CEP83: variants seen among roughly 807,000 people sequenced by gnomAD.
CEP83 encodes the protein centrosomal protein 83.
In CEP83, 70 loss-of-function variants were observed where a neutral mutation model predicts 101.9. That is an observed-to-expected ratio of 0.69 (90% CI 0.57 to 0.84). The LOEUF (loss-of-function observed/expected upper bound fraction) is 0.84, where lower values mean the gene tolerates loss of function less well. Ranked by LOEUF, CEP83 falls within the 40% of genes least tolerant of loss-of-function variation. CEP83 has a pLI of 0.00. For missense variants in CEP83, 715 were observed against 787.2 expected, an observed-to-expected ratio of 0.91 and a Z score of 1.10; for synonymous variants, 264 against 267.9, an observed-to-expected ratio of 0.99 and a Z score of 0.14.
intron 1 of CEP83, among the ~76,000 whole-genome samples, chr12:94,443,981 TATG>T (rs1244264345): frequency 6.6e-6 from 1 of 152,224 alleles, no homozygotes; most frequent in Non-Finnish European, 1.5e-5. Context: ...ACAAAATTTC[TATG>T]ATGTGAATCC....
Position 94,423,828 on chromosome 12 carries a change from G to A in CEP83, c.-101-11237C>T, listed in dbSNP as rs547057384. ...GGTTCTGTTGGCCGCTGCTCTCCTC[G>A]ACTGAAACACTGGAAGGAAGGCACA... On this transcript the variant is annotated intron_variant, in intron 2 of 16. Transcript: ENST00000397809. 4.0e-4 allele frequency: 642 copies of A among 1,613,338 alleles called. 1 individual carries two copies. Among genetic ancestry groups the A allele is most frequent in the African/African-American group, 2.8e-3 (207 of 75,014 alleles).
intron 14 of CEP83, among the ~76,000 whole-genome samples, chr12:94,314,367 A>G (rs965035983): frequency 6.6e-6 from 1 of 152,188 alleles, no homozygotes; most frequent in Non-Finnish European, 1.5e-5. Context: ...CCCCCTTCCA[A>G]TCACTAGCCC....
At chr12:94,396,549 A>T (rs2062911221) in intron 6 of CEP83, among the ~76,000 whole-genome samples, 1 of 151,932 alleles carries the variant, frequency 6.6e-6, no homozygotes, top group South Asian at 2.1e-4. Context: ...CAGCCTCCCC[A>T]AGTGCTGGGA....
chr12:94,275,803 C>T, the CEP83 span, among the ~76,000 whole-genome samples: 6 of 128,946 alleles, frequency 4.7e-5, 1 homozygote, highest in East Asian at 6.8e-4. Flanking sequence ...TGCAGTGAGC[C>T]GAGATCCCGC....
chr12:94,328,150 A>G (rs2059050454), intron 14 of CEP83: 1 of 194,692 alleles, frequency 5.1e-6, no homozygotes. Flanking sequence ...TTAGAATAAA[A>G]TTAACAAGTT....
intron 2 of CEP83, chr12:94,424,063 A>G: frequency 6.2e-7 from 1 of 1,611,554 alleles, no homozygotes; most frequent in Non-Finnish European, 8.5e-7. Flanking sequence ...AGGATGGGTT[A>G]GGTACTTGTA....
chr12:94,322,910 C>T (rs1461991823), intron 14 of CEP83, among the ~76,000 whole-genome samples: 3 of 152,166 alleles, frequency 2.0e-5, no homozygotes, highest in Non-Finnish European at 2.9e-5. Context: ...TGACCCTGGT[C>T]GGGAGGTCCC....
the CEP83 span, among the ~76,000 whole-genome samples, chr12:94,271,817 C>T: frequency 3.3e-5 from 5 of 152,072 alleles, no homozygotes; most frequent in East Asian, 1.9e-4. Flanking sequence ...GAAAGTGTCC[C>T]GTCAGTATTC....
Position 94,308,818 on chromosome 12 carries a change from C to T in CEP83, c.2101G>A (p.Glu701Lys). 1 of 1,604,998 alleles carries T rather than the reference C, an allele frequency of 6.2e-7. No individual in the cohort carries two copies. ...CTGCCTGTTCTCCAAGAACATCATT[C>T]TCCGGAAGATCCAAGTTCCTCTAGT... ...KQLEELGSSG[E>K] Residue 701 changes from glutamate to lysine, a missense_variant, in exon 17 of 17, where the codon GAA becomes AAA. Coordinates refer to ENST00000397809, the MANE Select transcript of CEP83 (RefSeq NM_016122.3).
the CEP83 span, among the ~76,000 whole-genome samples, chr12:94,296,554 G>A: frequency 2.6e-5 from 4 of 152,074 alleles, no homozygotes; most frequent in Admixed American, 6.5e-5. Flanking sequence ...CTCACTCTGC[G>A]CTACTCTTGA....
chr12:94,274,530 C>T, the CEP83 span, among the ~76,000 whole-genome samples: 3 of 152,126 alleles, frequency 2.0e-5, no homozygotes, highest in Non-Finnish European at 2.9e-5. Flanking sequence ...GATCTGCCAC[C>T]GCAGCTTACT....
chr12:94,331,649 GGT>G, intron 14 of CEP83, 49 bp downstream of exon 14: 1 of 1,583,840 alleles, frequency 6.3e-7, no homozygotes, highest in Non-Finnish European at 8.6e-7. Context: ...TGGGATTACA[GGT>G]GTGAGCCACC....
At chr12:94,294,769 G>A in the CEP83 span, among the ~76,000 whole-genome samples, 2 of 152,178 alleles carry the variant, frequency 1.3e-5, no homozygotes, top group African/African-American at 2.4e-5. Flanking sequence ...CAGCACTGAG[G>A]AAGTGGCTGC....
intron 1 of CEP83, among the ~76,000 whole-genome samples, chr12:94,445,272 TACACAC>T (rs3069395): frequency 4.0e-5 from 6 of 150,210 alleles, no homozygotes; most frequent in African/African-American, 1.5e-4. Context: ...GCCTTTTCCA[TACACAC>T]ACACACACAC....
chr12:94,324,439 A>G (rs1015937056), intron 14 of CEP83, among the ~76,000 whole-genome samples: 1 of 152,190 alleles, frequency 6.6e-6, no homozygotes, highest in Non-Finnish European at 1.5e-5. Context: ...TTTTGTTTTA[A>G]TATCTATATG....
At chr12:94,327,181 T>C (rs779358438) in intron 14 of CEP83, among the ~76,000 whole-genome samples, 1 of 152,190 alleles carries the variant, frequency 6.6e-6, no homozygotes, top group Admixed American at 6.5e-5. Context: ...GCCTTAGTGT[T>C]ATAAACAATA....
In CEP83 at chr12:94,423,659, C is replaced by T. The variant is rs958178694; in HGVS notation, c.-101-11068G>A. On this transcript the variant is annotated intron_variant, in intron 2 of 16. Coordinates refer to ENST00000397809, the MANE Select transcript of CEP83 (RefSeq NM_016122.3). Reference sequence around the variant, plus strand: ...CAGGGCCGACGGATGGTCTCCATTCCTGGTTAACCCTCTGGAATTTGGGAG... The same window carrying T: ...CAGGGCCGACGGATGGTCTCCATTCTTGGTTAACCCTCTGGAATTTGGGAG... The T allele has an allele frequency of 3.8e-6, 6 of 1,561,902 alleles. No individual in the cohort carries two copies. The African/African-American group carries it at 8.2e-5, about 21-fold the overall frequency.
At chr12:94,361,973 T>A (rs1260260235) in intron 11 of CEP83, among the ~76,000 whole-genome samples, 4 of 152,130 alleles carry the variant, frequency 2.6e-5, no homozygotes, top group Admixed American at 2.6e-4. Context: ...AGTGCTGGGA[T>A]TACAGGTGTG....
intron 1 of CEP83, among the ~76,000 whole-genome samples, chr12:94,446,429 G>A (rs1293230036): frequency 6.6e-6 from 1 of 152,150 alleles, no homozygotes; most frequent in Non-Finnish European, 1.5e-5. Flanking sequence ...TTAAGTGACG[G>A]CCGGGCGTGG....
Sources: gnomAD v4.1 joint callset for allele counts (sites outside exome capture counted in the v4.1 genomes callset) on GRCh38, gnomAD v4.1.1 for gene constraint, MANE v1.5 for transcripts, NCBI Gene and HGNC (gene_info 2026-07-23, HGNC 2026-07-21) for gene names.